Variants in KAZN observed in about 807,000 individuals in gnomAD.
KAZN encodes the protein kazrin, periplakin interacting protein.
KAZN carries 40 observed loss-of-function variants against 87.4 expected under a neutral mutation model. That is an observed-to-expected ratio of 0.46 (90% CI 0.36 to 0.60). The LOEUF is 0.60. KAZN is among the 20% of genes least tolerant of loss of function. The probability of loss-of-function intolerance (pLI) is 0.00; values close to 1 mark genes in which losing one functional copy is unlikely to be tolerated. For synonymous variants in KAZN, 466 were observed against 458.3 expected, an observed-to-expected ratio of 1.02 and a Z score of -0.22; for missense variants, 898 against 1,073.9, an observed-to-expected ratio of 0.84 and a Z score of 2.29.
chr1:14,903,267 AACCCAAACACAGG>A (rs1399411092), intron 1 of KAZN, among the ~76,000 whole-genome samples: 1 of 152,170 alleles, frequency 6.6e-6, no homozygotes, highest in Non-Finnish European at 1.5e-5. Flanking sequence ...CATGCTTGTA[AACCCAAACACAGG>A]ACCCAAACTA....
rs187026555 is a variant in KAZN, at chr1:14,014,651, T to A, written c.91+120895T>A. 1.3e-4 allele frequency among the ~76,000 whole-genome samples: 20 copies of A among 152,288 alleles called. No individual in the cohort carries two copies. The East Asian group carries it at 2.9e-3, about 22-fold the overall frequency. ...ATTTTGTTACATAAATGATGTGAAA[T>A]TCAAATATCAGTGTTCATAAATGTC... is the stretch of plus-strand genomic sequence containing the variant. On this transcript the variant is annotated intron_variant, in intron 1 of 16. Coordinates refer to the KAZN transcript ENST00000636203.
chr1:14,865,024 C>T (rs1651294108), intron 1 of KAZN, among the ~76,000 whole-genome samples: 1 of 152,166 alleles, frequency 6.6e-6, no homozygotes, highest in Admixed American at 6.5e-5. Context: ...AAATAGCAAA[C>T]CCCAGGTACC....
intron 1 of KAZN, among the ~76,000 whole-genome samples, chr1:14,728,303 A>T (rs1312430875): frequency 4.0e-5 from 6 of 150,916 alleles, no homozygotes; most frequent in Admixed American, 4.0e-4. Context: ...AAAAAAAAAA[A>T]AAAAAAAAAA....
intron 1 of KAZN, among the ~76,000 whole-genome samples, chr1:13,933,168 G>A (rs550765919): frequency 1.3e-5 from 2 of 152,030 alleles, no homozygotes; most frequent in South Asian, 4.2e-4. Flanking sequence ...GTCACATTTA[G>A]GTCCCTTCAT....
chr1:14,520,953 G>A (rs900356114), intron 2 of KAZN, among the ~76,000 whole-genome samples: 4 of 152,190 alleles, frequency 2.6e-5, no homozygotes, highest in Admixed American at 2.6e-4. Flanking sequence ...GTTCTATTGG[G>A]AAGAAGGCCC....
At chr1:14,349,906 G>A (rs1405044594) in intron 2 of KAZN, among the ~76,000 whole-genome samples, 1 of 152,050 alleles carries the variant, frequency 6.6e-6, no homozygotes, top group African/African-American at 2.4e-5. Context: ...GGAGGCGGAG[G>A]AGGGCGGATC....
chr1:14,491,123 C>T (rs909349676), intron 2 of KAZN, among the ~76,000 whole-genome samples: 3 of 152,208 alleles, frequency 2.0e-5, no homozygotes, highest in Middle Eastern at 3.2e-3. Flanking sequence ...CATTCCTTGT[C>T]ATGTTTATTC....
At chr1:14,180,373 G>T in intron 1 of KAZN, 1 of 1,473,112 alleles carries the variant, frequency 6.8e-7, no homozygotes, top group Non-Finnish European at 9.2e-7. Context: ...AAAATGGCTA[G>T]TCAATTTCTC....
At chr1:14,992,007 CCT>C (rs1667409137) in intron 2 of KAZN, among the ~76,000 whole-genome samples, 1 of 152,174 alleles carries the variant, frequency 6.6e-6, no homozygotes, top group African/African-American at 2.4e-5. Context: ...CCAGAATACA[CCT>C]CTCTTTGCCT....
intron 1 of KAZN, among the ~76,000 whole-genome samples, chr1:13,919,408 A>G (rs941201808): frequency 6.6e-6 from 1 of 152,224 alleles, no homozygotes; most frequent in African/African-American, 2.4e-5. Context: ...ACTATATAGT[A>G]TTCTGCAGTA....
At position 14,820,951 on chromosome 1, in the gene KAZN, G is replaced by C. The variant is rs1446133314; in HGVS notation, c.227-139733G>C. 2.0e-5 allele frequency among the ~76,000 whole-genome samples: 3 copies of C among 152,196 alleles called. No homozygotes were observed. In the East Asian group the frequency reaches 5.8e-4, roughly 29 times the overall value. ...CCGGGGATGGCAAGGGCTGGACGCA[G>C]CAGGACCGTGGTCTGTTCTGTGATG... On this transcript the variant is annotated intron_variant, in intron 1 of 14. Transcript: ENST00000376030. The surrounding 1 kb of genome is among the most constrained non-coding windows in gnomAD (Gnocchi z 4.1).
At chr1:14,653,936 C>T (rs887319178) in intron 1 of KAZN, among the ~76,000 whole-genome samples, 5 of 152,208 alleles carry the variant, frequency 3.3e-5, no homozygotes, top group Non-Finnish European at 5.9e-5. Flanking sequence ...TCCCTGGCCT[C>T]CGCCTACCAG....
At chr1:14,824,113 CAA>C (rs56851270) in intron 1 of KAZN, among the ~76,000 whole-genome samples, 81,873 of 125,280 alleles carry the variant, frequency 0.65, 26,346 homozygotes, top group African/African-American at 0.72. Context: ...GACTCCATCT[CAA>C]AAAAAAAAAA....
chr1:14,601,630 T>A (rs148796719), intron 1 of KAZN, among the ~76,000 whole-genome samples: 1 of 152,358 alleles, frequency 6.6e-6, no homozygotes, highest in African/African-American at 2.4e-5. Context: ...TTGATTGGGT[T>A]CCACTTGATT....
At chr1:14,109,797 C>T (rs1038357456) in intron 1 of KAZN, among the ~76,000 whole-genome samples, 2 of 90,276 alleles carry the variant, frequency 2.2e-5, no homozygotes, top group African/African-American at 9.5e-5. Context: ...CCTGAAAATG[C>T]CATTCCTTAT....
chr1:14,390,423 A>G (rs1662319847), intron 2 of KAZN, among the ~76,000 whole-genome samples: 1 of 152,232 alleles, frequency 6.6e-6, no homozygotes. Context: ...TGCATAGGGA[A>G]GCCAGGGAGG....
intron 2 of KAZN, among the ~76,000 whole-genome samples, chr1:14,208,381 TA>T (rs1646786076): frequency 6.6e-6 from 1 of 152,232 alleles, no homozygotes; most frequent in Non-Finnish European, 1.5e-5. Flanking sequence ...TGCACAATGC[TA>T]AATATTAACT....
At chr1:14,359,057 A>G (rs933671769) in intron 2 of KAZN, among the ~76,000 whole-genome samples, 16 of 152,112 alleles carry the variant, frequency 1.1e-4, no homozygotes, top group Non-Finnish European at 1.8e-4. Flanking sequence ...GTGGGAGTCT[A>G]AGTCTCTTTG....
intron 1 of KAZN, among the ~76,000 whole-genome samples, chr1:14,902,145 G>C (rs1210485206): frequency 6.6e-6 from 1 of 152,190 alleles, no homozygotes; most frequent in Non-Finnish European, 1.5e-5. Flanking sequence ...ATGCAAGGGT[G>C]CTGGGAGCAG....
Sources: gnomAD v4.1 joint callset for allele counts (sites outside exome capture counted in the v4.1 genomes callset) on GRCh38, gnomAD v4.1.1 for gene constraint, Gnocchi (gnomAD v3.1) non-coding constraint, MANE v1.5 for transcripts, NCBI Gene and HGNC (gene_info 2026-07-23, HGNC 2026-07-21) for gene names.